RBBP8: variants seen among roughly 807,000 people sequenced by gnomAD.
The protein encoded by RBBP8 is RB binding protein 8, endonuclease, also known as DNA endonuclease RBBP8.
RBBP8 carries 88 observed loss-of-function variants against 108.3 expected under a neutral mutation model. The ratio of observed to expected loss-of-function variants is 0.81; its 90% CI spans 0.68 to 0.97. The LOEUF is 0.97. Ranked by LOEUF, RBBP8 falls within the 50% of genes least tolerant of loss-of-function variation. The pLI, the probability that RBBP8 is intolerant of heterozygous loss-of-function variation, is 0.00. For missense variants in RBBP8, 1,023 were observed against 1,049.0 expected (o/e 0.98, Z 0.34); for synonymous variants, 332 against 348.2 (o/e 0.95, Z 0.52).
chr18:22,972,972 G>A (rs1358326948), intron 5 of RBBP8, among the ~76,000 whole-genome samples: 3 of 152,140 alleles, frequency 2.0e-5, no homozygotes, highest in African/African-American at 4.8e-5. Context: ...TGGATAGTTG[G>A]TCTTCTGAGC....
intron 9 of RBBP8, 93 bp downstream of exon 9, chr18:22,989,411 T>A: frequency 1.1e-6 from 1 of 952,204 alleles, no homozygotes; most frequent in Non-Finnish European, 1.6e-6. Flanking sequence ...TTGTTCTATC[T>A]AAAGATCTTG....
chr18:23,014,829 T>C (rs2046229920), intron 16 of RBBP8, among the ~76,000 whole-genome samples: 1 of 152,104 alleles, frequency 6.6e-6, no homozygotes, highest in African/African-American at 2.4e-5. Context: ...TTTGAAGAAT[T>C]CATGGTAGGT....
intron 3 of RBBP8, among the ~76,000 whole-genome samples, chr18:22,928,165 C>T (rs1000859180): frequency 8.0e-5 from 12 of 150,698 alleles, no homozygotes; most frequent in African/African-American, 2.9e-4. Context: ...CGCGCCACTG[C>T]ACTCCAGCCT....
chr18:22,944,275 A>G (rs903422216), intron 2 of RBBP8, among the ~76,000 whole-genome samples: 4 of 152,232 alleles, frequency 2.6e-5, no homozygotes, highest in African/African-American at 4.8e-5. Context: ...TGCTTACCAG[A>G]TAAAAGAGTA....
intron 3 of RBBP8, among the ~76,000 whole-genome samples, chr18:22,947,233 A>AT (rs1009288727): frequency 2.6e-5 from 4 of 152,048 alleles, no homozygotes; most frequent in African/African-American, 9.7e-5. Context: ...GACAAAAAAA[A>AT]TTTTCCAGTT....
chr18:23,006,282 C>A, intron 15 of RBBP8, 81 bp from the exon 16 acceptor site: 3 of 1,215,140 alleles, frequency 2.5e-6, no homozygotes, highest in Non-Finnish European at 3.6e-6. Flanking sequence ...AGTTTGAGTG[C>A]GTGTCATTTT....
chr18:23,018,027 T>C (rs2046290865), intron 17 of RBBP8, among the ~76,000 whole-genome samples: 1 of 152,056 alleles, frequency 6.6e-6, no homozygotes, highest in South Asian at 2.1e-4. Context: ...ATTACAGACA[T>C]GAACCACCAT....
chr18:23,006,862 A>G (rs1167988212), intron 16 of RBBP8, among the ~76,000 whole-genome samples: 2 of 152,070 alleles, frequency 1.3e-5, no homozygotes, highest in Non-Finnish European at 1.5e-5. Context: ...GGTTAAATTA[A>G]AATTATTTAC....
At chr18:22,994,761 T>C (rs1386115521) in intron 12 of RBBP8, among the ~76,000 whole-genome samples, 1 of 152,064 alleles carries the variant, frequency 6.6e-6, no homozygotes, top group Non-Finnish European at 1.5e-5. Context: ...TCCTACTCTG[T>C]CACCCAGACT....
rs549681406 is a variant in RBBP8 at position 22,984,027 on chromosome 18, G to A, written c.605-859G>A. On this transcript the variant is annotated intron_variant, in intron 7 of 18. Transcript: ENST00000327155. ...ACCCTGGAGGTGGAGGTTGCAGTGA[G>A]CTGAGATCATGCCACTGCACTCCAG... is the stretch of plus-strand genomic sequence containing the variant. Among the ~76,000 whole-genome samples, 93 of 152,296 alleles carry A rather than the reference G, an allele frequency of 6.1e-4. 1 individual carries two copies. The highest frequency in any genetic ancestry group is 2.1e-3 in the African/African-American group (87 of 41,564).
rs542484798 is a variant in RBBP8, at chr18:22,966,718, T to C, written c.249-2088T>C. 3.6e-3 allele frequency among the ~76,000 whole-genome samples: 506 copies of C among 141,064 alleles called. 1 individual carries two copies. Among genetic ancestry groups the C allele is most frequent in the Middle Eastern group, 7.0e-3 (2 of 284 alleles). The allele number at this position is 141,064 out of a possible 152,430, so 92.5% of individuals were successfully genotyped here. ...TCCACAGACACTTAAATACTTACTA[T>C]CTTTTTTTTTTTTTTTTTTTTTTGG... is the stretch of plus-strand genomic sequence containing the variant. On this transcript the variant is annotated intron_variant, in intron 4 of 18. Transcript: ENST00000327155.
chr18:22,949,488 T>C (rs1330413660), intron 3 of RBBP8, 130 bp from the exon 4 acceptor site: 2 of 710,920 alleles, frequency 2.8e-6, no homozygotes, highest in African/African-American at 3.5e-5. Context: ...TTACAAGATA[T>C]TCCAACCTGA....
chr18:23,020,364 T>G lies in RBBP8; in HGVS notation c.2455-1765T>G, dbSNP rs567980593. Among the ~76,000 whole-genome samples, 8 of 152,112 alleles carry G rather than the reference T, an allele frequency of 5.3e-5. No individual in the cohort carries two copies. In the South Asian group the frequency reaches 1.7e-3, roughly 32 times the overall value. On this transcript the variant is annotated intron_variant, in intron 17 of 18. Coordinates refer to ENST00000327155, the MANE Select transcript of RBBP8 (RefSeq NM_002894.3). The stretch of plus-strand genomic sequence containing the variant: ...TGAACCCAGGAGGCAGAGGTTGCAG[T>G]GAGCCGAGATTGCTCCATTGCACTC...
chr18:22,971,680 C>T (rs115802852), intron 5 of RBBP8, among the ~76,000 whole-genome samples: 5,135 of 129,820 alleles, frequency 0.04, 161 homozygotes, highest in East Asian at 0.094. Context: ...GAGTCTCACA[C>T]TTTCACCTAG....
At chr18:22,936,061 A>G (rs1261104762) in intron 1 of RBBP8, among the ~76,000 whole-genome samples, 2 of 152,320 alleles carry the variant, frequency 1.3e-5, no homozygotes, top group African/African-American at 4.8e-5. Context: ...AATATTTTTC[A>G]GTTTTGGGCT....
intron 3 of RBBP8, among the ~76,000 whole-genome samples, chr18:22,918,636 T>C (rs774211565): frequency 2.0e-5 from 3 of 152,224 alleles, no homozygotes; most frequent in Non-Finnish European, 4.4e-5. Context: ...TTTTTTTGTC[T>C]ATTATCTAAC....
At chr18:22,954,055 T>C (rs1912279003) in intron 4 of RBBP8, among the ~76,000 whole-genome samples, 1 of 152,108 alleles carries the variant, frequency 6.6e-6, no homozygotes, top group Non-Finnish European at 1.5e-5. Flanking sequence ...CTTCCCACAG[T>C]TGGGACTGTG....
At chr18:22,915,256 TTTTCATTGTCCCTA>T (rs1271600583) in intron 1 of RBBP8, among the ~76,000 whole-genome samples, 4 of 152,146 alleles carry the variant, frequency 2.6e-5, no homozygotes. Flanking sequence ...TGATGCATCC[TTTTCATTGTCCCTA>T]GGGTTCCCAC....
Position 22,973,551 on chromosome 18 carries a change from ATGACCACC to A in RBBP8, c.362-1597_362-1590del, listed in dbSNP as rs547959008. 3.9e-3 allele frequency among the ~76,000 whole-genome samples: 600 copies of A among 152,240 alleles called. 1 individual carries two copies. The highest frequency in any genetic ancestry group is 6.2e-3 in the Non-Finnish European group (422 of 68,002). On this transcript the variant is annotated intron_variant, in intron 5 of 18. Transcript: ENST00000327155. ...TAGGTCCAGATATTCATTTCTTTTA[ATGACCACC>A]TGACTTTTTGTCTTGTCAATACTTT...
Sources: gnomAD v4.1 joint callset for allele counts (sites outside exome capture counted in the v4.1 genomes callset) on GRCh38, gnomAD v4.1.1 for gene constraint, MANE v1.5 for transcripts, NCBI Gene and HGNC (gene_info 2026-07-23, HGNC 2026-07-21) for gene names.